The following KLRG1 variants were observed in gnomAD, a reference collection of about 807,000 sequenced individuals.
The protein encoded by KLRG1 is killer cell lectin like receptor G1.
A neutral mutation model predicts 21.8 loss-of-function variants in KLRG1; 16 were observed. That is an observed-to-expected ratio of 0.73 (90% CI 0.50 to 1.11). The LOEUF (loss-of-function observed/expected upper bound fraction) is 1.11. KLRG1 is among the 50% of genes most tolerant of loss of function. The probability of loss-of-function intolerance (pLI) is 0.00; values close to 1 mark genes in which losing one functional copy is unlikely to be tolerated. For synonymous variants in KLRG1, 69 were observed against 75.9 expected, an observed-to-expected ratio of 0.91 and a Z score of 0.47; for missense variants, 173 against 218.3, an observed-to-expected ratio of 0.79 and a Z score of 1.31.
At chr12:9,091,016 A>T in the KLRG1 span, among the ~76,000 whole-genome samples, 1 of 152,208 alleles carries the variant, frequency 6.6e-6, no homozygotes, top group Non-Finnish European at 1.5e-5. Flanking sequence ...TTGAAGGGTT[A>T]TAAGGGCTAG....
chr12:9,167,023 T>A, the KLRG1 span: 1 of 152,226 alleles, frequency 6.6e-6, no homozygotes, highest in African/African-American at 2.4e-5. Context: ...AACAGTTTTC[T>A]CCACTGAAGA....
chr12:9,115,001 G>C, the KLRG1 span, among the ~76,000 whole-genome samples: 2 of 152,126 alleles, frequency 1.3e-5, no homozygotes, highest in Non-Finnish European at 2.9e-5. Flanking sequence ...TCCATGGATT[G>C]CAAGAATTAA....
At chr12:9,062,156 A>G in the KLRG1 span, among the ~76,000 whole-genome samples, 1 of 146,110 alleles carries the variant, frequency 6.8e-6, no homozygotes, top group African/African-American at 2.5e-5. Flanking sequence ...ATTGTATAAA[A>G]AATCACCTGA....
At chr12:9,060,161 CAT>C in the KLRG1 span, among the ~76,000 whole-genome samples, 1 of 151,842 alleles carries the variant, frequency 6.6e-6, no homozygotes, top group East Asian at 1.9e-4. Context: ...CCCGCCACCA[CAT>C]CCGGCTAATT....
chr12:9,169,277 A>G, the KLRG1 span, among the ~76,000 whole-genome samples: 2 of 152,216 alleles, frequency 1.3e-5, no homozygotes, highest in African/African-American at 4.8e-5. Context: ...TGATCCTCAC[A>G]AGAGACTTTA....
chr12:9,130,471 T>C, the KLRG1 span, among the ~76,000 whole-genome samples: 1 of 152,180 alleles, frequency 6.6e-6, no homozygotes, highest in Non-Finnish European at 1.5e-5. Flanking sequence ...ACTTTCTGTT[T>C]TTTTTTTATA....
the KLRG1 span, chr12:9,166,907 T>C: frequency 6.6e-6 from 1 of 152,256 alleles, no homozygotes; most frequent in Admixed American, 6.5e-5. Flanking sequence ...TGCTTACTAA[T>C]TGAATTTGAT....
chr12:8,956,158 C>T (rs1305614148), intron 1 of KLRG1, among the ~76,000 whole-genome samples: 3 of 152,162 alleles, frequency 2.0e-5, no homozygotes, highest in African/African-American at 7.2e-5. Flanking sequence ...CGGGACCTGC[C>T]GAACAGCGGG....
chr12:9,020,673 C>A, the KLRG1 span, among the ~76,000 whole-genome samples: 1 of 152,116 alleles, frequency 6.6e-6, no homozygotes, highest in Non-Finnish European at 1.5e-5. Flanking sequence ...CTTTGATGGA[C>A]GTTTAAGTTG....
chr12:9,142,075 C>T, the KLRG1 span, among the ~76,000 whole-genome samples: 2 of 152,296 alleles, frequency 1.3e-5, no homozygotes, highest in East Asian at 3.9e-4. Context: ...GTAAACATCC[C>T]TCTCTTTAAA....
At chr12:9,028,131 C>A in the KLRG1 span, 3 of 773,432 alleles carry the variant, frequency 3.9e-6, no homozygotes, top group Non-Finnish European at 4.4e-6. Context: ...ATCTGTTCTT[C>A]AGTGTCGTCG....
At chr12:9,158,413 A>G in the KLRG1 span, 1 of 1,614,024 alleles carries the variant, frequency 6.2e-7, no homozygotes, top group African/African-American at 1.3e-5. Context: ...TTTGTGGAAC[A>G]GTTCACCTTT....
At chr12:9,007,288 C>A (rs778385587) in intron 3 of KLRG1, among the ~76,000 whole-genome samples, 1 of 152,024 alleles carries the variant, frequency 6.6e-6, no homozygotes, top group Non-Finnish European at 1.5e-5. Context: ...TGAGACAGAG[C>A]CTCACTCCGT....
the KLRG1 span, among the ~76,000 whole-genome samples, chr12:9,151,909 T>C: frequency 1.3e-5 from 2 of 152,196 alleles, no homozygotes; most frequent in East Asian, 1.9e-4. Flanking sequence ...TTTTAGTGCA[T>C]ATCAGTCAGT....
At chr12:8,991,058 A>T (rs956598055) in intron 1 of KLRG1, among the ~76,000 whole-genome samples, 70 of 152,138 alleles carry the variant, frequency 4.6e-4, no homozygotes, top group African/African-American at 1.6e-3. Flanking sequence ...ATATAGAATA[A>T]TTTATCTAAA....
At chr12:8,966,311 T>C (rs1461265492) in intron 1 of KLRG1, among the ~76,000 whole-genome samples, 1 of 151,998 alleles carries the variant, frequency 6.6e-6, no homozygotes, top group Middle Eastern at 3.2e-3. Flanking sequence ...CCAAAAGCAA[T>C]GGCAACAAAA....
chr12:9,056,883 G>A, the KLRG1 span, among the ~76,000 whole-genome samples: 9 of 152,116 alleles, frequency 5.9e-5, no homozygotes, highest in South Asian at 1.9e-3. Context: ...ACCACTCAAC[G>A]CTATAGTTCT....
chr12:9,160,538 T>TA, the KLRG1 span: 1 of 1,554,812 alleles, frequency 6.4e-7, no homozygotes, highest in Non-Finnish European at 8.8e-7. Context: ...AGTTCATAAA[T>TA]AGCCAACATT....
the KLRG1 span, chr12:9,069,185 C>G: frequency 6.1e-6 from 1 of 162,986 alleles, no homozygotes; most frequent in Admixed American, 6.6e-5. Context: ...GGAATACTTG[C>G]GTAGACTCAA....
Sources: gnomAD v4.1 joint callset for allele counts (sites outside exome capture counted in the v4.1 genomes callset) on GRCh38, gnomAD v4.1.1 for gene constraint, MANE v1.5 for transcripts, NCBI Gene and HGNC (gene_info 2026-07-23, HGNC 2026-07-21) for gene names.